ATXN7L1: variants seen among roughly 807,000 people sequenced by gnomAD.
ATXN7L1 encodes the protein ataxin-7-like protein 1.
Under a neutral mutation model 70.8 loss-of-function variants are expected in ATXN7L1, and 15 were observed. The ratio of observed to expected loss-of-function variants is 0.21; its 90% CI spans 0.14 to 0.33. ATXN7L1 has a LOEUF of 0.33. ATXN7L1 is among the 10% of genes least tolerant of loss of function. The pLI is 1.00. For missense variants in ATXN7L1, 975 were observed against 1,097.1 expected, an observed-to-expected ratio of 0.89 and a Z score of 1.57; for synonymous variants, 440 against 445.1, an observed-to-expected ratio of 0.99 and a Z score of 0.14.
At chr7:105,796,233 C>A (rs4730107) in intron 2 of ATXN7L1, among the ~76,000 whole-genome samples, 2 of 152,130 alleles carry the variant, frequency 1.3e-5, no homozygotes, top group African/African-American at 4.8e-5. Context: ...CGTGGTCGTG[C>A]GCACCTGTAG....
intron 3 of ATXN7L1, among the ~76,000 whole-genome samples, chr7:105,742,068 G>A (rs987987377): frequency 5.9e-5 from 9 of 152,132 alleles, no homozygotes; most frequent in Admixed American, 3.3e-4. Context: ...GGTAGCCCTC[G>A]CAAACTAATG....
chr7:105,739,038 G>GA (rs1474009923), intron 3 of ATXN7L1, among the ~76,000 whole-genome samples: 2 of 152,080 alleles, frequency 1.3e-5, no homozygotes, highest in African/African-American at 4.8e-5. Context: ...TGATACAGTG[G>GA]AAAATCACTG....
chr7:105,646,385 G>T (rs950242199), intron 4 of ATXN7L1, among the ~76,000 whole-genome samples: 18 of 152,070 alleles, frequency 1.2e-4, no homozygotes, highest in South Asian at 4.2e-4. Context: ...ATTTTGGGGG[G>T]CCAGGGTGAG....
intron 3 of ATXN7L1, chr7:105,760,549 A>C (rs1436389530): frequency 1.0e-6 from 1 of 985,768 alleles, no homozygotes; most frequent in African/African-American, 1.7e-5. Context: ...TCCAGCTATC[A>C]CGTATTAACT....
chr7:105,830,997 G>A (rs1165188599), intron 2 of ATXN7L1, among the ~76,000 whole-genome samples: 3 of 152,172 alleles, frequency 2.0e-5, no homozygotes, highest in Non-Finnish European at 4.4e-5. Context: ...GTTCATTCTG[G>A]GGGCATCTGC....
intron 3 of ATXN7L1, among the ~76,000 whole-genome samples, chr7:105,758,634 C>T (rs576086276): frequency 4.6e-4 from 70 of 152,354 alleles, no homozygotes; most frequent in Middle Eastern, 3.4e-3. Context: ...CCTGCCTGTG[C>T]CTAGGCCTCC....
intron 3 of ATXN7L1, among the ~76,000 whole-genome samples, chr7:105,749,846 T>C (rs1212101628): frequency 6.6e-6 from 1 of 151,856 alleles, no homozygotes; most frequent in Non-Finnish European, 1.5e-5. Flanking sequence ...CAATTGTCTG[T>C]TGTCACCCCT....
intron 3 of ATXN7L1, among the ~76,000 whole-genome samples, chr7:105,741,135 C>T (rs529283039): frequency 6.7e-4 from 102 of 152,232 alleles, no homozygotes; most frequent in African/African-American, 2.2e-3. Flanking sequence ...TCCAAGTTCA[C>T]GCGGCTGGGC....
At chr7:105,780,176 A>G (rs1803321169) in intron 3 of ATXN7L1, among the ~76,000 whole-genome samples, 1 of 152,174 alleles carries the variant, frequency 6.6e-6, no homozygotes, top group African/African-American at 2.4e-5. Context: ...CAAAATAAAA[A>G]GAACAATTGC....
At chr7:105,841,750 C>T (rs1218551353) in intron 2 of ATXN7L1, among the ~76,000 whole-genome samples, 3 of 152,194 alleles carry the variant, frequency 2.0e-5, no homozygotes, top group Admixed American at 6.5e-5. Flanking sequence ...TTGTTAATCT[C>T]TTACTGTGCC....
intron 3 of ATXN7L1, among the ~76,000 whole-genome samples, chr7:105,742,084 G>T (rs750677426): frequency 3.3e-5 from 5 of 152,176 alleles, no homozygotes; most frequent in Non-Finnish European, 7.3e-5. Context: ...TAATGCAGTG[G>T]TGTCAGATCC....
chr7:105,710,266 TC>T (rs1200483952), intron 3 of ATXN7L1, among the ~76,000 whole-genome samples: 2 of 152,172 alleles, frequency 1.3e-5, no homozygotes, highest in Non-Finnish European at 2.9e-5. Context: ...GACTCACAGT[TC>T]CACAGGCTTA....
chr7:105,775,107 T>C (rs910061046), intron 3 of ATXN7L1, among the ~76,000 whole-genome samples: 2 of 152,198 alleles, frequency 1.3e-5, no homozygotes, highest in Non-Finnish European at 2.9e-5. Context: ...CCAATTTATG[T>C]TTTGCCCTAG....
chr7:105,729,447 T>G (rs1472572554), intron 3 of ATXN7L1, among the ~76,000 whole-genome samples: 1 of 111,126 alleles, frequency 9.0e-6, no homozygotes, highest in Non-Finnish European at 1.8e-5. Context: ...TTTTTTTTTT[T>G]GAGGCAGAGT....
intron 4 of ATXN7L1, among the ~76,000 whole-genome samples, chr7:105,648,479 T>A (rs1319740924): frequency 1.3e-5 from 2 of 152,104 alleles, no homozygotes; most frequent in African/African-American, 4.8e-5. Context: ...AGTCCTGAAC[T>A]GAGAAAGCAA....
chr7:105,773,606 G>A (rs935766053), intron 3 of ATXN7L1, among the ~76,000 whole-genome samples: 1 of 152,036 alleles, frequency 6.6e-6, no homozygotes, highest in Non-Finnish European at 1.5e-5. Context: ...AGACACAGGG[G>A]GAAGATATAG....
intron 3 of ATXN7L1, among the ~76,000 whole-genome samples, chr7:105,771,975 A>C (rs1328387815): frequency 6.6e-6 from 1 of 152,106 alleles, no homozygotes. Context: ...TATAAATTAG[A>C]AGTTAGAAAT....
intron 3 of ATXN7L1, among the ~76,000 whole-genome samples, chr7:105,699,688 T>C (rs891462332): frequency 5.9e-5 from 9 of 152,216 alleles, no homozygotes; most frequent in African/African-American, 2.2e-4. Flanking sequence ...AAAAGCACTG[T>C]GATCTCTTGT....
chr7:105,679,260 T>C, intron 3 of ATXN7L1: 3 of 620,358 alleles, frequency 4.8e-6, no homozygotes, highest in Non-Finnish European at 6.0e-6. Flanking sequence ...ATCCTGAATT[T>C]GGCAGATGAA....
Sources: allele counts gnomAD v4.1 joint callset (sites outside exome capture counted in the v4.1 genomes callset), GRCh38; gene constraint gnomAD v4.1.1; transcripts MANE v1.5; gene names NCBI Gene and HGNC (gene_info 2026-07-23, HGNC 2026-07-21).